Variants in B4GALNT2 observed in about 807,000 individuals in gnomAD.
B4GALNT2 encodes the protein N-acetylneuraminylgalactosylglucosyl-glucoside beta-1,4-N- acetylgalactosaminyltransferase 2.
Under a neutral mutation model 51.1 loss-of-function variants are expected in B4GALNT2, and 42 were observed. The ratio of observed to expected loss-of-function variants is 0.82; its 90% CI spans 0.64 to 1.06. The LOEUF (loss-of-function observed/expected upper bound fraction) is 1.06. Among genes scored for constraint, B4GALNT2 ranks in the 50% least tolerant of loss-of-function variants. B4GALNT2 has a pLI of 0.00. For synonymous variants in B4GALNT2, 253 were observed against 251.7 expected, an observed-to-expected ratio of 1.01 and a Z score of -0.05; for missense variants, 602 against 633.6, an observed-to-expected ratio of 0.95 and a Z score of 0.54.
chr17:49,168,469 C>T (rs561693993), intron 9 of B4GALNT2, among the ~76,000 whole-genome samples: 27 of 152,144 alleles, frequency 1.8e-4, no homozygotes, highest in African/African-American at 4.8e-4. Flanking sequence ...CTGGGGTAGG[C>T]AGGAAATGAA....
chr17:49,161,125 A>G (rs1598213516), intron 7 of B4GALNT2, among the ~76,000 whole-genome samples: 1 of 152,168 alleles, frequency 6.6e-6, no homozygotes, highest in Admixed American at 6.5e-5. Context: ...AAATACACAA[A>G]TTAGCTGGGC....
intron 3 of B4GALNT2, among the ~76,000 whole-genome samples, chr17:49,149,690 A>G (rs1364463292): frequency 6.6e-6 from 1 of 152,306 alleles, no homozygotes; most frequent in East Asian, 1.9e-4. Flanking sequence ...TTCATTTCAA[A>G]CAATGCTGAA....
At chr17:49,120,532 G>C in the B4GALNT2 span, among the ~76,000 whole-genome samples, 1 of 151,040 alleles carries the variant, frequency 6.6e-6, no homozygotes, top group Non-Finnish European at 1.5e-5. Context: ...GTGTGAAACA[G>C]TCTTGCCCTA....
At chr17:49,147,242 A>G (rs1450161776) in intron 3 of B4GALNT2, among the ~76,000 whole-genome samples, 2 of 152,248 alleles carry the variant, frequency 1.3e-5, no homozygotes, top group Non-Finnish European at 1.5e-5. Flanking sequence ...TGATTGGTCA[A>G]TCTGATCCTG....
At chr17:49,127,560 T>G (rs2144255122), upstream of B4GALNT2, among the ~76,000 whole-genome samples, 1 of 152,292 alleles carries the variant, frequency 6.6e-6, no homozygotes, top group South Asian at 2.1e-4. Context: ...AATTAGAGCT[T>G]TTAAAATAGA....
chr17:49,156,634 TTGGTGTCC>T, intron 5 of B4GALNT2, 31 bp downstream of exon 5: 2 of 1,610,732 alleles, frequency 1.2e-6, no homozygotes, highest in Admixed American at 3.4e-5. Context: ...CTCTTTGCAC[TTGGTGTCC>T]TGTCCTCATT....
intron 1 of B4GALNT2, among the ~76,000 whole-genome samples, chr17:49,138,969 A>G (rs535868109): frequency 5.3e-5 from 8 of 152,336 alleles, no homozygotes; most frequent in African/African-American, 1.9e-4. Flanking sequence ...TAATGCACAC[A>G]AAGCTCTTGG....
chr17:49,130,421 T>C (rs1439822717), upstream of B4GALNT2, among the ~76,000 whole-genome samples: 6 of 152,200 alleles, frequency 3.9e-5, no homozygotes, highest in Non-Finnish European at 7.4e-5. Context: ...GTGGATCACC[T>C]GAGGTCAGGA....
upstream of B4GALNT2, chr17:49,132,659 G>C: frequency 1.8e-6 from 2 of 1,107,366 alleles, no homozygotes; most frequent in South Asian, 6.0e-5. Flanking sequence ...AGAGAAGGGC[G>C]GGGGCCGTCC....
At chr17:49,154,056 T>A (rs1298157896) in intron 4 of B4GALNT2, among the ~76,000 whole-genome samples, 1 of 150,542 alleles carries the variant, frequency 6.6e-6, no homozygotes, top group Non-Finnish European at 1.5e-5. Flanking sequence ...CAGGTTAGAG[T>A]GCAATGGCAT....
intron 7 of B4GALNT2, 50 bp from the exon 8 acceptor site, chr17:49,164,038 G>A: frequency 6.5e-7 from 1 of 1,548,384 alleles, no homozygotes; most frequent in South Asian, 1.2e-5. Flanking sequence ...GGAAAAGACA[G>A]TGAAGCTTCC....
At chr17:49,165,323 C>T (rs2042901175) in intron 8 of B4GALNT2, among the ~76,000 whole-genome samples, 1 of 140,376 alleles carries the variant, frequency 7.1e-6, no homozygotes, top group South Asian at 2.4e-4. Context: ...TTTCTCTCTC[C>T]TTCTCCCTCT....
At chr17:49,133,775 T>G (rs1361568407) in intron 1 of B4GALNT2, among the ~76,000 whole-genome samples, 2 of 152,000 alleles carry the variant, frequency 1.3e-5, no homozygotes, top group African/African-American at 4.8e-5. Context: ...TAGCCGGGTG[T>G]GGTGGCAAGT....
intron 7 of B4GALNT2, among the ~76,000 whole-genome samples, chr17:49,163,703 C>A (rs113813339): frequency 0.012 from 1,697 of 147,368 alleles, 28 homozygotes; most frequent in African/African-American, 0.041. Flanking sequence ...TTGCAGTGAG[C>A]CGACATTGCA....
In B4GALNT2 at chr17:49,168,885, C is replaced by T. The variant is rs112740954; in HGVS notation, c.1300C>T (p.Arg434Ter). Residue 434 changes from arginine (R) to a stop codon, truncating the protein, a stop_gained, in exon 10 of 11, where the codon CGA (arginine) becomes TGA (stop). Coordinates refer to ENST00000393354, the MANE Select transcript of B4GALNT2 (RefSeq NM_001159387.2). LOFTEE classifies it low-confidence loss of function (END_TRUNC). ...QRVGFDPRLQ[R>*]VAHSEFFIDG... ...AGTTGGCTTTGATCCCCGCCTGCAA[C>T]GAGTGGCTCACTCAGGTGGGAAGGC... The T allele has an allele frequency of 1.6e-3, 2,567 of 1,612,370 alleles. 14 individuals carry two copies. The highest frequency in any genetic ancestry group is 0.015 in the African/African-American group (1,132 of 74,988).
chr17:49,160,431 C>G (rs568211990), intron 6 of B4GALNT2, 124 bp from the exon 7 acceptor site: 10 of 895,438 alleles, frequency 1.1e-5, no homozygotes, highest in South Asian at 9.8e-5. Context: ...GGTCCTTGAT[C>G]TCATCCCAAC....
At position 49,175,394 on chromosome 17, in the gene B4GALNT2, A is replaced by AG. The variant is rs2042981187; in HGVS notation, c.*5667dup. 6.6e-6 allele frequency: 1 copy of AG among 152,204 alleles called. No homozygotes were observed. Among genetic ancestry groups the AG allele is most frequent in the South Asian group, 2.1e-4 (1 of 4,830 alleles). The allele number at this position is 152,204 out of a possible 1,614,324, so 9.4% of individuals were successfully genotyped here. ...TTCCTGGCTCTGCTTTCCAAGGAAAAGAAGTAAATATAACAATTTGAATTT... is the reference window on the plus strand; with the variant it reads ...TTCCTGGCTCTGCTTTCCAAGGAAAAGGAAGTAAATATAACAATTTGAATTT... On this transcript the variant is annotated 3_prime_UTR_variant, in exon 11 of 11. Coordinates refer to ENST00000393354, the MANE Select transcript of B4GALNT2 (RefSeq NM_001159387.2).
At chr17:49,125,555 G>A in the B4GALNT2 span, among the ~76,000 whole-genome samples, 380 of 152,156 alleles carry the variant, frequency 2.5e-3, 4 homozygotes, top group Middle Eastern at 0.027. Context: ...AACTCCGTGT[G>A]TCGCCGCCAT....
Position 49,164,055 on chromosome 17 carries a change from A to T in B4GALNT2, c.767-33A>T, listed in dbSNP as rs753773730. On this transcript the variant is annotated intron_variant, in intron 7 of 10. Coordinates refer to ENST00000393354, the MANE Select transcript of B4GALNT2 (RefSeq NM_001159387.2). ...AAAAGACAGTGAAGCTTCCTACAGG[A>T]CAGAGCTCTGACACCCACTGTTTTC... The T allele has an allele frequency of 8.8e-6, 14 of 1,597,436 alleles. No homozygotes were observed. In the African/African-American group the frequency reaches 1.7e-4, roughly 20 times the overall value.
Sources: gnomAD v4.1 joint callset for allele counts (sites outside exome capture counted in the v4.1 genomes callset) on GRCh38, gnomAD v4.1.1 for gene constraint, MANE v1.5 for transcripts, NCBI Gene and HGNC (gene_info 2026-07-23, HGNC 2026-07-21) for gene names.